Variants in OSBPL10 observed in about 807,000 individuals in gnomAD.
OSBPL10 encodes oxysterol binding protein like 10.
A neutral mutation model predicts 81.7 loss-of-function variants in OSBPL10; 49 were observed. The observed-to-expected ratio is 0.60, with a 90% confidence interval of 0.48 to 0.76. The LOEUF (loss-of-function observed/expected upper bound fraction) is 0.76. OSBPL10 is among the 30% of genes least tolerant of loss of function. OSBPL10 has a pLI of 0.00. For synonymous variants in OSBPL10, 419 were observed against 383.6 expected, an observed-to-expected ratio of 1.09 and a Z score of -1.08; for missense variants, 923 against 987.8, an observed-to-expected ratio of 0.93 and a Z score of 0.88.
At chr3:31,718,621 C>T (rs2125632834) in intron 6 of OSBPL10, 1 of 152,282 alleles carries the variant, frequency 6.6e-6, no homozygotes, top group Admixed American at 6.5e-5. Context: ...TTCAGAACAA[C>T]TGAGAGTATG....
chr3:31,906,062 C>T (rs1017561296), intron 1 of OSBPL10, among the ~76,000 whole-genome samples: 3 of 152,122 alleles, frequency 2.0e-5, no homozygotes, highest in Non-Finnish European at 2.9e-5. Flanking sequence ...CCACAAACAA[C>T]ACCATAGTCA....
intron 8 of OSBPL10, among the ~76,000 whole-genome samples, chr3:31,673,884 C>A (rs1331584789): frequency 1.3e-5 from 2 of 151,898 alleles, no homozygotes; most frequent in Non-Finnish European, 2.9e-5. Flanking sequence ...GCCTTGACCT[C>A]CTGGACTCAA....
rs1212190661 is a variant in OSBPL10, at chr3:32,061,876, G to A, written n.186-15273C>T. 4.3e-5 allele frequency among the ~76,000 whole-genome samples: 4 copies of A among 92,384 alleles called. 1 individual carries two copies. The highest frequency in any genetic ancestry group is 1.1e-4 in the African/African-American group (4 of 36,044). 60.6% of individuals were successfully genotyped at this position (92,384 alleles called of 152,430 possible). ...CTGGCCTCAAACTCTTGAGCTCGAGGAATCCTCCTGCCTCAGTCTCCCAAA... is the reference window on the plus strand; with the variant it reads ...CTGGCCTCAAACTCTTGAGCTCGAGAAATCCTCCTGCCTCAGTCTCCCAAA... On this transcript the variant is annotated intron_variant and non_coding_transcript_variant, in intron 1 of 3. Coordinates refer to the OSBPL10 transcript ENST00000479173.
intron 4 of OSBPL10, among the ~76,000 whole-genome samples, chr3:31,777,187 A>C (rs1169244259): frequency 6.6e-6 from 1 of 152,250 alleles, no homozygotes; most frequent in Non-Finnish European, 1.5e-5. Flanking sequence ...ACTGAACAGC[A>C]CATCAGATGA....
intron 5 of OSBPL10, among the ~76,000 whole-genome samples, chr3:31,747,057 A>C (rs186541193): frequency 6.6e-6 from 1 of 152,300 alleles, no homozygotes; most frequent in East Asian, 1.9e-4. Flanking sequence ...AAGTGGGGCC[A>C]GGCACAGTGG....
intron 6 of OSBPL10, among the ~76,000 whole-genome samples, chr3:31,719,095 A>AT (rs1696551598): frequency 1.3e-5 from 2 of 152,216 alleles, no homozygotes; most frequent in African/African-American, 4.8e-5. Flanking sequence ...CTGCTGGCTC[A>AT]TTCCAGTGGG....
At chr3:31,666,216 T>C (rs1700187202) in intron 10 of OSBPL10, among the ~76,000 whole-genome samples, 1 of 152,080 alleles carries the variant, frequency 6.6e-6, no homozygotes, top group African/African-American at 2.4e-5. Flanking sequence ...CTGCCTTAAG[T>C]CATTGGGCCC....
chr3:31,836,177 T>A (rs546241838), intron 3 of OSBPL10, among the ~76,000 whole-genome samples: 1 of 152,272 alleles, frequency 6.6e-6, no homozygotes, highest in Admixed American at 6.5e-5. Context: ...GAAATACGAG[T>A]TTCAACATTA....
rs561749283 is a variant in OSBPL10, at chr3:31,675,894, C to T, written c.1727-4911G>A. Among the ~76,000 whole-genome samples the T allele has an allele frequency of 7.7e-4, 111 of 144,042 alleles. 1 individual carries two copies. Among genetic ancestry groups the T allele is most frequent in the African/African-American group, 2.3e-3 (88 of 37,792 alleles). The allele number at this position is 144,042 out of a possible 152,430, so 94.5% of individuals were successfully genotyped here. ...CTGGGAGGCGGAGCTTGCAGTGAGC[C>T]GAGATTGCGCCACTGCACTGCAGCC... On this transcript the variant is annotated intron_variant, in intron 8 of 11. Transcript: ENST00000396556.
chr3:31,930,967 T>TC (rs1327721721), intron 1 of OSBPL10, among the ~76,000 whole-genome samples: 36 of 114,168 alleles, frequency 3.2e-4, no homozygotes, highest in Admixed American at 1.0e-3. Flanking sequence ...TGAGCCGAGA[T>TC]CCCCCCCACT....
intron 6 of OSBPL10, among the ~76,000 whole-genome samples, chr3:31,727,410 A>G (rs1039022174): frequency 6.6e-6 from 1 of 152,082 alleles, no homozygotes; most frequent in Non-Finnish European, 1.5e-5. Flanking sequence ...AAAAAGGTCT[A>G]TTCTACAGAT....
At chr3:32,048,586 C>T (rs561079575) in intron 1 of OSBPL10, among the ~76,000 whole-genome samples, 4 of 152,240 alleles carry the variant, frequency 2.6e-5, no homozygotes, top group East Asian at 1.9e-4. Context: ...GGATTACAGG[C>T]GTTAGCCACC....
chr3:31,932,739 A>T (rs1697284423), intron 1 of OSBPL10, among the ~76,000 whole-genome samples: 1 of 152,022 alleles, frequency 6.6e-6, no homozygotes, highest in Admixed American at 6.6e-5. Context: ...GAGAATCAAA[A>T]ATTTAACAGC....
At chr3:31,951,158 C>G (rs376932719) in intron 1 of OSBPL10, among the ~76,000 whole-genome samples, 12 of 152,056 alleles carry the variant, frequency 7.9e-5, no homozygotes, top group African/African-American at 2.7e-4. Flanking sequence ...AAATACCCAT[C>G]ACCAGGATAA....
At chr3:31,867,542 G>T (rs918728006) in intron 3 of OSBPL10, among the ~76,000 whole-genome samples, 4 of 152,140 alleles carry the variant, frequency 2.6e-5, no homozygotes, top group African/African-American at 9.7e-5. Flanking sequence ...GGAAGTTTGA[G>T]ACTAGCCTGG....
intron 6 of OSBPL10, among the ~76,000 whole-genome samples, chr3:31,727,367 A>C (rs1696840858): frequency 6.6e-6 from 1 of 151,310 alleles, no homozygotes; most frequent in South Asian, 2.1e-4. Flanking sequence ...TCTAAGATTT[A>C]GTGAATCAAA....
chr3:31,707,715 A>G (rs1000699338), intron 6 of OSBPL10, among the ~76,000 whole-genome samples: 8 of 152,236 alleles, frequency 5.3e-5, no homozygotes, highest in African/African-American at 1.9e-4. Context: ...TCAGGTACAC[A>G]GCAGCATGGC....
intron 8 of OSBPL10, among the ~76,000 whole-genome samples, chr3:31,675,579 A>C (rs951707617): frequency 2.0e-5 from 3 of 152,178 alleles, no homozygotes; most frequent in African/African-American, 7.2e-5. Context: ...AAAATCCTGA[A>C]GGTTTTATGT....
chr3:31,982,610 GC>G (rs1698872805), upstream of OSBPL10, among the ~76,000 whole-genome samples: 1 of 151,474 alleles, frequency 6.6e-6, no homozygotes, highest in African/African-American at 2.4e-5. Flanking sequence ...AAGTGGTTGT[GC>G]CCCTGAGTAA....
Sources: allele counts gnomAD v4.1 joint callset (sites outside exome capture counted in the v4.1 genomes callset), GRCh38; gene constraint gnomAD v4.1.1; transcripts MANE v1.5; gene names NCBI Gene and HGNC (gene_info 2026-07-23, HGNC 2026-07-21).